Variants in MROH2A observed in about 807,000 individuals in gnomAD.
MROH2A encodes the protein maestro heat like repeat family member 2A.
A neutral mutation model predicts 200.4 loss-of-function variants in MROH2A; 174 were observed. The observed-to-expected ratio is 0.87, with a 90% confidence interval of 0.77 to 0.98. MROH2A has a LOEUF of 0.98. Among genes scored for constraint, MROH2A ranks in the 50% least tolerant of loss-of-function variants. MROH2A has a pLI of 0.00. For missense variants in MROH2A, 2,045 were observed against 2,139.6 expected (o/e 0.96, Z 0.87); for synonymous variants, 829 against 840.4 (o/e 0.99, Z 0.23).
chr2:233,797,466 T>A (rs1411172989), intron 11 of MROH2A, among the ~76,000 whole-genome samples: 4 of 152,218 alleles, frequency 2.6e-5, no homozygotes, highest in Admixed American at 1.3e-4. Context: ...TATGCAGCTA[T>A]TAAAAAGTGT....
chr2:233,800,080 G>T, intron 13 of MROH2A, 125 bp from the exon 14 acceptor site: 1 of 1,070,192 alleles, frequency 9.3e-7, no homozygotes, highest in Non-Finnish European at 1.4e-6. Context: ...TATATGCACA[G>T]CTCTGAGCAT....
chr2:233,819,381 C>G lies in MROH2A; in HGVS notation c.3269C>G (p.Thr1090Ser). 6.4e-7 allele frequency: 1 copy of G among 1,550,594 alleles called. No homozygotes were observed. Among genetic ancestry groups the G allele is most frequent in the Non-Finnish European group, 8.7e-7 (1 of 1,146,964 alleles). Residue 1090 changes from threonine (T) to serine (S), a missense_variant, in exon 30 of 42, where the codon ACT (threonine) becomes AGT (serine). Physicochemically the swap from Thr to Ser is moderately conservative, Grantham distance 58. Coordinates refer to ENST00000389758, the MANE Select transcript of MROH2A (RefSeq NM_001394639.1). ...CTCATCCAGAAGCTCTGCGAGAACACTGGGGCCATGAACCTGCAGCATGAC... is the reference window on the plus strand; with the variant it reads ...CTCATCCAGAAGCTCTGCGAGAACAGTGGGGCCATGAACCTGCAGCATGAC... ...VSLIQKLCEN[T>S]GAMNLQHDKA...
rs562472380 is a variant in MROH2A at position 233,784,667 on chromosome 2, C to T, written c.276+4815C>T. On this transcript the variant is annotated intron_variant, in intron 3 of 41. Transcript: ENST00000389758. The stretch of plus-strand genomic sequence containing the variant: ...GCGCCTCCTCTGTCTCGCCTTCTCC[C>T]TCATCACATGATGCACTGGCTCCCC... Among the ~76,000 whole-genome samples the T allele has an allele frequency of 3.9e-5, 6 of 152,286 alleles. No individual in the cohort carries two copies. In the East Asian group the frequency reaches 1.2e-3, roughly 29 times the overall value.
rs1559490791 is a variant in MROH2A, at chr2:233,833,120, C to T, written c.4904-18C>T. Reference sequence around the variant, plus strand: ...ACTGGGCGGGGCCTGAACCTTCCCTCTTTGTGTTCTCTCTCAGCCCTCCAG... The same window carrying T: ...ACTGGGCGGGGCCTGAACCTTCCCTTTTTGTGTTCTCTCTCAGCCCTCCAG... On this transcript the variant is annotated intron_variant, in intron 41 of 41. Transcript: ENST00000389758. The T allele has an allele frequency of 6.5e-7, 1 of 1,531,206 alleles. No homozygotes were observed. The highest frequency in any genetic ancestry group is 2.4e-5 in the East Asian group (1 of 40,850). 94.9% of individuals were successfully genotyped at this position (1,531,206 alleles called of 1,614,324 possible).
Position 233,832,176 on chromosome 2 carries a change from G to C in MROH2A, c.4735-1G>C. The C allele has an allele frequency of 6.5e-7, 1 of 1,550,210 alleles. No individual in the cohort carries two copies. On this transcript the variant is annotated splice_acceptor_variant, in intron 39 of 41. Transcript: ENST00000389758. LOFTEE classifies it high-confidence loss of function. ...CTGTGTGTATCACTTACTTTTTGCAGACTCGGAAAAAGCCGGCTGTTCTCT... is the reference window on the plus strand; with the variant it reads ...CTGTGTGTATCACTTACTTTTTGCACACTCGGAAAAAGCCGGCTGTTCTCT...
At position 233,795,979 on chromosome 2, in the gene MROH2A, G is replaced by GC. The variant is rs1559449660; in HGVS notation, c.1076dup (p.Ala360GlyfsTer52). On this transcript the variant is annotated frameshift_variant, in exon 10 of 42. Coordinates refer to ENST00000389758, the MANE Select transcript of MROH2A (RefSeq NM_001394639.1). LOFTEE classifies it high-confidence loss of function. ...CGTCCCTCACCAGGTGTGCAACAAG[G>GC]CCCCGGCCCAGCATCAGTACAGCAG... is the stretch of plus-strand genomic sequence containing the variant. The GC allele has an allele frequency of 1.3e-6, 2 of 1,550,590 alleles. No individual in the cohort carries two copies. Among genetic ancestry groups the GC allele is most frequent in the Admixed American group, 3.9e-5 (2 of 51,010 alleles).
In MROH2A at chr2:233,793,832, G is replaced by A; in HGVS notation, c.822+8G>A. 1 of 1,400,902 alleles carries A rather than the reference G, an allele frequency of 7.1e-7. No individual in the cohort carries two copies. The allele number at this position is 1,400,902 out of a possible 1,614,324, so 86.8% of individuals were successfully genotyped here. ...AGGCACTACAACCCCGAGGTGAGATGCACCCCTCTTAGGAGGGCCTGGTGG... is the reference window on the plus strand; with the variant it reads ...AGGCACTACAACCCCGAGGTGAGATACACCCCTCTTAGGAGGGCCTGGTGG... On this transcript the variant is annotated splice_region_variant and intron_variant, in intron 7 of 41. Coordinates refer to ENST00000389758, the MANE Select transcript of MROH2A (RefSeq NM_001394639.1).
At chr2:233,791,607 T>C (rs1376456412) in intron 5 of MROH2A, among the ~76,000 whole-genome samples, 1 of 152,024 alleles carries the variant, frequency 6.6e-6, no homozygotes, top group Non-Finnish European at 1.5e-5. Flanking sequence ...TTCAAAGCCA[T>C]TGATATCCGG....
At chr2:233,776,536 A>G (rs1024148272), upstream of MROH2A, among the ~76,000 whole-genome samples, 5 of 151,368 alleles carry the variant, frequency 3.3e-5, no homozygotes, top group African/African-American at 1.2e-4. Context: ...TAATTTTTGT[A>G]TTTTTTAGTA....
At chr2:233,808,699 G>A (rs969962508) in intron 21 of MROH2A, among the ~76,000 whole-genome samples, 5 of 152,222 alleles carry the variant, frequency 3.3e-5, no homozygotes, top group African/African-American at 4.8e-5. Context: ...CTGAGGGTGT[G>A]AGCACCGTGA....
intron 16 of MROH2A, 98 bp from the exon 17 acceptor site, chr2:233,803,953 C>A (rs1702634581): frequency 1.4e-6 from 2 of 1,442,590 alleles, no homozygotes; most frequent in Non-Finnish European, 1.9e-6. Context: ...AACCACCGAT[C>A]TTGTCCAGCT....
At chr2:233,831,690 A>C in intron 39 of MROH2A, 150 bp downstream of exon 39, 1 of 886,086 alleles carries the variant, frequency 1.1e-6, no homozygotes, top group Non-Finnish European at 1.6e-6. Flanking sequence ...CAGCAGAAAT[A>C]GAAGGCAAGT....
chr2:233,812,959 C>G (rs1287795887), intron 24 of MROH2A, among the ~76,000 whole-genome samples: 3 of 152,162 alleles, frequency 2.0e-5, no homozygotes, highest in Non-Finnish European at 2.9e-5. Context: ...GCTCTCAACT[C>G]TAGGGGCACA....
intron 34 of MROH2A, 79 bp from the exon 35 acceptor site, chr2:233,823,477 G>T: frequency 3.4e-6 from 5 of 1,488,048 alleles, no homozygotes; most frequent in Non-Finnish European, 3.6e-6. Context: ...AGGCACCGAT[G>T]TGGCCCTGCC....
intron 26 of MROH2A, among the ~76,000 whole-genome samples, chr2:233,815,856 T>C (rs1266088663): frequency 2.0e-5 from 3 of 151,968 alleles, no homozygotes; most frequent in African/African-American, 7.3e-5. Context: ...TTTTTTTTTT[T>C]TTTTTTTTGC....
At chr2:233,825,779 T>C (rs894441555) in intron 35 of MROH2A, among the ~76,000 whole-genome samples, 4 of 152,104 alleles carry the variant, frequency 2.6e-5, no homozygotes, top group Admixed American at 1.3e-4. Flanking sequence ...GAAGTTTTCT[T>C]TTTTTTGTTG....
intron 3 of MROH2A, among the ~76,000 whole-genome samples, chr2:233,788,479 G>A (rs955801896): frequency 8.6e-5 from 13 of 151,892 alleles, no homozygotes; most frequent in Non-Finnish European, 1.5e-4. Flanking sequence ...TTCACCAGTA[G>A]AACTTACACA....
In MROH2A at chr2:233,795,655, C is replaced by T. The variant is rs995237369; in HGVS notation, c.969C>T (p.Val323=). 2.5e-5 allele frequency: 39 copies of T among 1,550,936 alleles called. No homozygotes were observed. Among genetic ancestry groups the T allele is most frequent in the Non-Finnish European group, 3.1e-5 (35 of 1,147,078 alleles). The change falls in exon 9 of 42, where the codon GTC becomes GTT. Residue 323 remains valine (V), a splice_region_variant and synonymous_variant. Coordinates refer to ENST00000389758, the MANE Select transcript of MROH2A (RefSeq NM_001394639.1). ...GSLEVLFVTQ[V]LRQILELSVT... is the part of the protein sequence containing the mutation. Reference sequence around the variant, plus strand: ...CACCATTTGCCAATCCACTGCAGGTCTTGAGGCAGATCCTGGAACTGTCAG... The same window carrying T: ...CACCATTTGCCAATCCACTGCAGGTTTTGAGGCAGATCCTGGAACTGTCAG...
chr2:233,813,037 C>T (rs778436843), intron 24 of MROH2A, among the ~76,000 whole-genome samples: 7 of 152,178 alleles, frequency 4.6e-5, no homozygotes, highest in African/African-American at 7.2e-5. Context: ...GGGGCTTGGA[C>T]GTGGTCCCTG....
Sources: gnomAD v4.1 joint callset for allele counts (sites outside exome capture counted in the v4.1 genomes callset) on GRCh38, gnomAD v4.1.1 for gene constraint, MANE v1.5 for transcripts, NCBI Gene and HGNC (gene_info 2026-07-23, HGNC 2026-07-21) for gene names.